RAD51C: variants seen among roughly 807,000 people sequenced by gnomAD.
RAD51C encodes DNA repair protein RAD51 homolog 3.
In RAD51C, 42 loss-of-function variants were observed where a neutral mutation model predicts 45.0. The ratio of observed to expected loss-of-function variants is 0.93; its 90% CI spans 0.73 to 1.21. The LOEUF (loss-of-function observed/expected upper bound fraction) is 1.21. RAD51C is among the 50% of genes most tolerant of loss of function. The probability of loss-of-function intolerance (pLI) is 0.00; values close to 1 mark genes in which losing one functional copy is unlikely to be tolerated. For missense variants in RAD51C, 474 were observed against 452.2 expected (o/e 1.05, Z -0.44); for synonymous variants, 172 against 159.8 (o/e 1.08, Z -0.58).
chr17:58,726,638 A>G (rs994231935), intron 7 of RAD51C, among the ~76,000 whole-genome samples: 3 of 146,402 alleles, frequency 2.0e-5, no homozygotes, highest in Non-Finnish European at 3.0e-5. Context: ...GTATAGATGT[A>G]TATACGTATA....
chr17:58,710,257 G>A (rs2048510081), intron 5 of RAD51C, among the ~76,000 whole-genome samples: 2 of 149,424 alleles, frequency 1.3e-5, no homozygotes, highest in Admixed American at 6.8e-5. Flanking sequence ...CGAGGCAGGT[G>A]GATCATGAGG....
chr17:58,716,794 G>A (rs1289722152), intron 5 of RAD51C, among the ~76,000 whole-genome samples: 60 of 144,002 alleles, frequency 4.2e-4, no homozygotes, highest in African/African-American at 1.5e-3. Context: ...TTTTTAAGAC[G>A]GAGTCTCGCT....
Position 58,703,173 on chromosome 17 carries a change from TTAAGAG to T in RAD51C, c.572-21_572-16del, listed in dbSNP as rs773035374. 5.0e-6 allele frequency: 8 copies of T among 1,607,744 alleles called. No homozygotes were observed. The Admixed American group carries it at 1.3e-4, about 27-fold the overall frequency. On this transcript the variant is annotated splice_polypyrimidine_tract_variant and intron_variant, in intron 3 of 8. Coordinates refer to ENST00000337432, the MANE Select transcript of RAD51C (RefSeq NM_058216.3). The stretch of plus-strand genomic sequence containing the variant: ...AATACATCCAAACAGGTAAAACTAA[TTAAGAG>T]TGTTTTGTTGTTTCAGAACACCGAA...
In RAD51C at chr17:58,713,141, A is replaced by G. The variant is rs1481227003; in HGVS notation, c.837+3151A>G. On this transcript the variant is annotated intron_variant, in intron 5 of 8. Coordinates refer to ENST00000337432, the MANE Select transcript of RAD51C (RefSeq NM_058216.3). ...ACCCTGTCTTCAAAAACACAAAAAGAAATGAAAATGAGGTCATATTATACA... is the reference window on the plus strand; with the variant it reads ...ACCCTGTCTTCAAAAACACAAAAAGGAATGAAAATGAGGTCATATTATACA... 5.3e-5 allele frequency among the ~76,000 whole-genome samples: 8 copies of G among 152,140 alleles called. 1 individual carries two copies. The highest frequency in any genetic ancestry group is 3.9e-4 in the East Asian group (2 of 5,192).
intron 5 of RAD51C, among the ~76,000 whole-genome samples, chr17:58,712,861 G>A (rs1401337932): frequency 2.6e-5 from 4 of 151,774 alleles, no homozygotes; most frequent in African/African-American, 7.3e-5. Context: ...AGTGGCTCAC[G>A]CCTGTAATCC....
At position 58,724,087 on chromosome 17, in the gene RAD51C, G is replaced by C. The variant is rs876659875; in HGVS notation, c.952G>C (p.Asp318His). 3 of 1,612,706 alleles carry C rather than the reference G, an allele frequency of 1.9e-6. No homozygotes were observed. Among genetic ancestry groups the C allele is most frequent in the Non-Finnish European group, 2.5e-6 (3 of 1,178,780 alleles). ...TACAATACGGCTAATCTTTCATTGG[G>C]ACCGAAAGCAAAGGTCAGTACAGAA... The part of the protein sequence containing the change: ...AATIRLIFHW[D>H]RKQRLATLYK... Residue 318 changes from aspartate (D) to histidine (H), a missense_variant, in exon 7 of 9, where the codon GAC becomes CAC. Asp to His is a moderately conservative substitution (Grantham distance 81, BLOSUM62 -1). Transcript: ENST00000337432.
chr17:58,712,818 C>CA (rs1268249103), intron 5 of RAD51C, among the ~76,000 whole-genome samples: 42 of 124,944 alleles, frequency 3.4e-4, no homozygotes, highest in Middle Eastern at 0.013. Context: ...GACTCCGTCT[C>CA]AAAAAAAAAA....
chr17:58,706,909 C>A (rs1332078211), intron 4 of RAD51C, among the ~76,000 whole-genome samples: 3 of 152,136 alleles, frequency 2.0e-5, no homozygotes, highest in Admixed American at 6.6e-5. Context: ...CTCTCTAGAG[C>A]AAGCTTTCTT....
At chr17:58,727,951 AG>A (rs1336709106) in intron 7 of RAD51C, among the ~76,000 whole-genome samples, 2 of 151,088 alleles carry the variant, frequency 1.3e-5, no homozygotes, top group East Asian at 3.9e-4. Flanking sequence ...AAAAAAAAAA[AG>A]TTACATGAGG....
At chr17:58,727,364 C>G (rs2049204716) in intron 7 of RAD51C, among the ~76,000 whole-genome samples, 1 of 142,816 alleles carries the variant, frequency 7.0e-6, no homozygotes. Flanking sequence ...TGTCAGGTGA[C>G]CTGCCCACCT....
chr17:58,698,922 CAAA>C (rs1287559201), intron 3 of RAD51C, among the ~76,000 whole-genome samples: 1 of 128,130 alleles, frequency 7.8e-6, no homozygotes. Context: ...AACTCCTTCT[CAAA>C]AAAAAAAAAG....
chr17:58,702,035 A>C (rs2048229063), intron 3 of RAD51C, among the ~76,000 whole-genome samples: 1 of 149,720 alleles, frequency 6.7e-6, no homozygotes, highest in African/African-American at 2.5e-5. Flanking sequence ...TCATTCTGTC[A>C]CCCAGGTTGG....
At chr17:58,709,671 G>C (rs1203405481) in intron 4 of RAD51C, 188 bp from the exon 5 acceptor site, 1 of 532,546 alleles carries the variant, frequency 1.9e-6, no homozygotes, top group African/African-American at 1.9e-5. Flanking sequence ...CATTTAGCAA[G>C]TATTAATTGA....
intron 6 of RAD51C, among the ~76,000 whole-genome samples, chr17:58,721,257 G>C (rs1047240572): frequency 2.3e-4 from 35 of 152,126 alleles, no homozygotes; most frequent in Admixed American, 1.2e-3. Context: ...ACTCCAGCCT[G>C]GGGGACAGAG....
chr17:58,705,480 CATG>C, intron 4 of RAD51C, among the ~76,000 whole-genome samples: 1 of 151,990 alleles, frequency 6.6e-6, no homozygotes, highest in Non-Finnish European at 1.5e-5. Flanking sequence ...ACTACAGGCG[CATG>C]CCACCACGCC....
chr17:58,696,734 G>T lies in RAD51C; in HGVS notation c.446G>T (p.Gly149Val), dbSNP rs1555594622. Residue 149 changes from glycine (G) to valine (V), a missense_variant, in exon 3 of 9, where the codon GGA becomes GTA. By Grantham distance (109) the Gly-to-Val change is moderately radical (BLOSUM62 -3). Coordinates refer to ENST00000337432, the MANE Select transcript of RAD51C (RefSeq NM_058216.3). ...AVDVQIPECF[G>V]GVAGEAVFID... ...GATGTGCAGATACCAGAATGTTTTGGAGGAGTGGCAGGTGAAGCAGTTTTT... is the reference window on the plus strand; with the variant it reads ...GATGTGCAGATACCAGAATGTTTTGTAGGAGTGGCAGGTGAAGCAGTTTTT... The T allele has an allele frequency of 6.2e-7, 1 of 1,614,216 alleles. No individual in the cohort carries two copies. The highest frequency in any genetic ancestry group is 8.5e-7 in the Non-Finnish European group (1 of 1,180,034).
At chr17:58,712,301 C>T (rs1333094301) in intron 5 of RAD51C, among the ~76,000 whole-genome samples, 3 of 137,858 alleles carry the variant, frequency 2.2e-5, no homozygotes, top group Non-Finnish European at 3.0e-5. Flanking sequence ...GCCAAGATTG[C>T]GCCACTGCAC....
chr17:58,720,288 C>T (rs1433060500), intron 5 of RAD51C, among the ~76,000 whole-genome samples: 5 of 150,204 alleles, frequency 3.3e-5, no homozygotes, highest in African/African-American at 7.3e-5. Flanking sequence ...TGGTGGTGGG[C>T]GCCTGTAGTC....
intron 7 of RAD51C, among the ~76,000 whole-genome samples, chr17:58,726,756 A>G (rs2049169810): frequency 6.6e-6 from 1 of 152,084 alleles, no homozygotes; most frequent in African/African-American, 2.4e-5. Flanking sequence ...GAGATCAGGC[A>G]CATTCAGGGT....
Sources: gnomAD v4.1 joint callset for allele counts (sites outside exome capture counted in the v4.1 genomes callset) on GRCh38, gnomAD v4.1.1 for gene constraint, MANE v1.5 for transcripts, NCBI Gene and HGNC (gene_info 2026-07-23, HGNC 2026-07-21) for gene names.